COL23A1: variants seen among roughly 807,000 people sequenced by gnomAD.
The protein encoded by COL23A1 is collagen type XXIII alpha 1 chain.
In COL23A1, 97 loss-of-function variants were observed where a neutral mutation model predicts 99.3. The observed-to-expected ratio is 0.98, with a 90% CI of 0.83 to 1.16. The LOEUF (loss-of-function observed/expected upper bound fraction) is 1.16. Among genes scored for constraint, COL23A1 ranks in the 50% most tolerant of loss-of-function variants. The probability of loss-of-function intolerance (pLI) is 0.00; values close to 1 mark genes in which losing one functional copy is unlikely to be tolerated. For missense variants in COL23A1, 762 were observed against 757.4 expected, an observed-to-expected ratio of 1.01 and a Z score of -0.07; for synonymous variants, 320 against 308.2, an observed-to-expected ratio of 1.04 and a Z score of -0.40.
At position 178,547,524 on chromosome 5, in the gene COL23A1, C is replaced by T. The variant is rs565286366; in HGVS notation, c.361+13158G>A. 4.7e-5 allele frequency among the ~76,000 whole-genome samples: 6 copies of T among 127,322 alleles called. 1 individual carries two copies. The highest frequency in any genetic ancestry group is 1.5e-4 in the African/African-American group (5 of 33,070). 83.5% of individuals were successfully genotyped at this position (127,322 alleles called of 152,430 possible). On this transcript the variant is annotated intron_variant, in intron 2 of 28. Transcript: ENST00000390654. ...CCATACACACCCCCACACCCACACACTCACACCCACAAACACACCCACACA... is the reference window on the plus strand; with the variant it reads ...CCATACACACCCCCACACCCACACATTCACACCCACAAACACACCCACACA...
At chr5:178,336,296 A>G (rs554426845) in intron 2 of COL23A1, among the ~76,000 whole-genome samples, 2 of 152,384 alleles carry the variant, frequency 1.3e-5, no homozygotes, top group African/African-American at 4.8e-5. Context: ...GAATGTTCCT[A>G]GCAGCATTAT....
intron 2 of COL23A1, among the ~76,000 whole-genome samples, chr5:178,337,029 G>A (rs573442411): frequency 1.6e-4 from 25 of 152,366 alleles, no homozygotes; most frequent in African/African-American, 5.8e-4. Context: ...CGGAAACAGG[G>A]ATCACGCAGA....
rs1272349835 is a variant in COL23A1 at position 178,280,044 on chromosome 5, A to G, written c.441+8280T>C. 6.6e-6 allele frequency among the ~76,000 whole-genome samples: 1 copy of G among 152,240 alleles called. No homozygotes were observed. The highest frequency in any genetic ancestry group is 1.5e-5 in the Non-Finnish European group (1 of 68,042). ...AGCGCCTCGTACATAACGAGAACAC[A>G]GTAAATACCCGCTGAATGGATCAAC... On this transcript the variant is annotated intron_variant, in intron 5 of 28. Coordinates refer to ENST00000390654, the MANE Select transcript of COL23A1 (RefSeq NM_173465.4). The surrounding 1 kb of genome is among the most constrained non-coding windows in gnomAD (Gnocchi z 4.9).
chr5:178,476,457 C>T (rs1160748193), intron 2 of COL23A1, among the ~76,000 whole-genome samples: 2 of 152,240 alleles, frequency 1.3e-5, no homozygotes, highest in Admixed American at 1.3e-4. Context: ...TTGGGGGCCG[C>T]TTTGCCCTTT....
intron 10 of COL23A1, among the ~76,000 whole-genome samples, chr5:178,261,988 G>A (rs1257830394): frequency 6.6e-6 from 1 of 152,252 alleles, no homozygotes; most frequent in Non-Finnish European, 1.5e-5. Context: ...GGAATGTGGA[G>A]CTACTGGAAT....
chr5:178,422,626 C>T (rs907822790), intron 2 of COL23A1, among the ~76,000 whole-genome samples: 2 of 152,116 alleles, frequency 1.3e-5, no homozygotes, highest in African/African-American at 2.4e-5. Context: ...TCAGCACCTA[C>T]CCACTCACCC....
intron 2 of COL23A1, among the ~76,000 whole-genome samples, chr5:178,449,830 G>A (rs765348417): frequency 9.9e-5 from 15 of 152,060 alleles, no homozygotes; most frequent in Admixed American, 3.9e-4. Context: ...GGCATCCAGC[G>A]CCGGTTAGTA....
At chr5:178,267,216 G>A in intron 8 of COL23A1, 91 bp downstream of exon 8, 1 of 1,379,716 alleles carries the variant, frequency 7.2e-7, no homozygotes, top group Non-Finnish European at 1.0e-6. Flanking sequence ...GAGCTGCGGG[G>A]AGCTGGGACC....
At chr5:178,582,768 G>A (rs1488891931) in intron 1 of COL23A1, among the ~76,000 whole-genome samples, 1 of 152,184 alleles carries the variant, frequency 6.6e-6, no homozygotes, top group Non-Finnish European at 1.5e-5. Flanking sequence ...AGGACTTGGG[G>A]TACTCCCCAG....
chr5:178,360,893 A>T (rs1762140725), intron 2 of COL23A1, among the ~76,000 whole-genome samples: 1 of 151,700 alleles, frequency 6.6e-6, no homozygotes, highest in South Asian at 2.1e-4. Flanking sequence ...CTGGGGCTTA[A>T]CCTCGAGCAG....
chr5:178,342,831 T>C (rs1223010950), intron 2 of COL23A1, among the ~76,000 whole-genome samples: 1 of 151,394 alleles, frequency 6.6e-6, no homozygotes, highest in African/African-American at 2.4e-5. Flanking sequence ...GAATTCCAAA[T>C]AGAAGTAAGA....
intron 2 of COL23A1, among the ~76,000 whole-genome samples, chr5:178,507,854 G>A (rs980156998): frequency 7.7e-4 from 118 of 152,286 alleles, no homozygotes; most frequent in Middle Eastern, 3.4e-3. Context: ...AGAACTGTGG[G>A]TTTGTGTTTT....
chr5:178,293,067 A>G (rs1346681402), intron 3 of COL23A1, among the ~76,000 whole-genome samples: 2 of 151,888 alleles, frequency 1.3e-5, no homozygotes, highest in Non-Finnish European at 2.9e-5. Context: ...GGGTTGAGGG[A>G]TGTGGACAGT....
At chr5:178,541,853 T>C (rs1761307060) in intron 2 of COL23A1, among the ~76,000 whole-genome samples, 1 of 152,172 alleles carries the variant, frequency 6.6e-6, no homozygotes, top group Non-Finnish European at 1.5e-5. Context: ...CGTGCTTCTA[T>C]ATGAAGTTCA....
chr5:178,377,755 A>C (rs1763156566), intron 2 of COL23A1, among the ~76,000 whole-genome samples: 1 of 152,206 alleles, frequency 6.6e-6, no homozygotes, highest in Non-Finnish European at 1.5e-5. Context: ...GGTGCAGGGC[A>C]GGCCGAGGGG....
At chr5:178,425,952 C>T (rs1437605351) in intron 2 of COL23A1, among the ~76,000 whole-genome samples, 1 of 152,198 alleles carries the variant, frequency 6.6e-6, no homozygotes, top group Non-Finnish European at 1.5e-5. Context: ...GGTGAACACA[C>T]ACCCAGAAAA....
intron 1 of COL23A1, among the ~76,000 whole-genome samples, chr5:178,575,903 A>G (rs1581667728): frequency 6.6e-6 from 1 of 152,242 alleles, no homozygotes; most frequent in South Asian, 2.1e-4. Context: ...GGTGTTCGGA[A>G]TATGACCGTA....
chr5:178,552,294 C>T (rs951378419), intron 2 of COL23A1, among the ~76,000 whole-genome samples: 2 of 151,936 alleles, frequency 1.3e-5, no homozygotes, highest in Non-Finnish European at 2.9e-5. Context: ...GTAGGAGAGA[C>T]GAATGAATGA....
chr5:178,465,728 G>A (rs564896300), intron 2 of COL23A1, among the ~76,000 whole-genome samples: 39 of 152,210 alleles, frequency 2.6e-4, no homozygotes, highest in Non-Finnish European at 4.6e-4. Flanking sequence ...TGGCGGTCAC[G>A]TCCTCACGAG....
Sources: allele counts gnomAD v4.1 joint callset (sites outside exome capture counted in the v4.1 genomes callset), GRCh38; gene constraint gnomAD v4.1.1; non-coding constraint Gnocchi (gnomAD v3.1); transcripts MANE v1.5; gene names NCBI Gene and HGNC (gene_info 2026-07-23, HGNC 2026-07-21).